Variants in MYT1L observed in about 807,000 individuals in gnomAD.
The protein encoded by MYT1L is myelin transcription factor 1 like.
MYT1L carries 12 observed loss-of-function variants against 126.7 expected under a neutral mutation model. The ratio of observed to expected loss-of-function variants is 0.09; its 90% CI spans 0.06 to 0.15. The LOEUF (loss-of-function observed/expected upper bound fraction) is 0.15. Among genes scored for constraint, MYT1L ranks in the 10% least tolerant of loss-of-function variants. The pLI is 1.00. For synonymous variants in MYT1L, 541 were observed against 604.2 expected (o/e 0.90, Z 1.53); for missense variants, 979 against 1,585.2 (o/e 0.62, Z 6.49).
chr2:1,969,677 G>A (rs1187234667), intron 8 of MYT1L, among the ~76,000 whole-genome samples: 1 of 152,206 alleles, frequency 6.6e-6, no homozygotes, highest in East Asian at 1.9e-4. Context: ...GTGGGACCCT[G>A]GTTGTTGGTA....
At chr2:1,825,683 T>A (rs1346537681) in intron 21 of MYT1L, 1 of 152,198 alleles carries the variant, frequency 6.6e-6, no homozygotes, top group East Asian at 1.9e-4. Context: ...ACTGTTAATT[T>A]TTTGTTTGTA....
chr2:2,240,757 G>A (rs1216580426), intron 2 of MYT1L, among the ~76,000 whole-genome samples: 1 of 152,136 alleles, frequency 6.6e-6, no homozygotes, highest in East Asian at 1.9e-4. Flanking sequence ...GGTAAAACAC[G>A]GTGTCACTCT....
At chr2:1,982,251 C>G (rs1360519784) in intron 5 of MYT1L, among the ~76,000 whole-genome samples, 1 of 152,164 alleles carries the variant, frequency 6.6e-6, no homozygotes. Flanking sequence ...CCGGGGTCCC[C>G]TGCCCTTGTC....
chr2:2,136,546 G>A (rs566838992), intron 3 of MYT1L, among the ~76,000 whole-genome samples: 2 of 152,224 alleles, frequency 1.3e-5, no homozygotes, highest in East Asian at 1.9e-4. Flanking sequence ...TCATGGACAC[G>A]TCCCAGCCTG....
chr2:1,930,924 A>G (rs1573680840), intron 9 of MYT1L, among the ~76,000 whole-genome samples: 1 of 152,192 alleles, frequency 6.6e-6, no homozygotes, highest in South Asian at 2.1e-4. Context: ...AAGCAGAAAT[A>G]CTACATCTTA....
intron 1 of MYT1L, among the ~76,000 whole-genome samples, chr2:2,297,218 T>C (rs943116219): frequency 2.0e-5 from 3 of 152,234 alleles, no homozygotes; most frequent in African/African-American, 7.2e-5. Flanking sequence ...CCAAGGCTTC[T>C]CAGTGAAGTC....
intron 2 of MYT1L, among the ~76,000 whole-genome samples, chr2:2,190,556 A>T (rs1225786934): frequency 1.6e-5 from 1 of 61,046 alleles, no homozygotes; most frequent in Admixed American, 1.3e-4. Flanking sequence ...AAGACCTGTT[A>T]AAAAAAAAAA....
chr2:1,842,887 C>CGCTTCCAGGCGCTTA (rs1572770801), intron 19 of MYT1L: 1 of 167,988 alleles, frequency 6.0e-6, no homozygotes, highest in East Asian at 1.9e-4. Flanking sequence ...CCAGGCGCTT[C>CGCTTCCAGGCGCTTA]CGCTTCCAGG....
intron 2 of MYT1L, among the ~76,000 whole-genome samples, chr2:2,222,359 G>T (rs2093898582): frequency 6.6e-6 from 1 of 151,994 alleles, no homozygotes; most frequent in Non-Finnish European, 1.5e-5. Context: ...AGGTGTGGTG[G>T]AGGGCACCCG....
Position 2,179,152 on chromosome 2 carries a change from A to G in MYT1L, c.-420-6164T>C, listed in dbSNP as rs542546284. ...CATCCCTGGCCAGCAGCTGTAGGAC[A>G]TGGCCAAGGAAGTGGCTCATCCATC... On this transcript the variant is annotated intron_variant, in intron 2 of 24. Transcript: ENST00000647738. Among the ~76,000 whole-genome samples, 4 of 152,286 alleles carry G rather than the reference A, an allele frequency of 2.6e-5. No individual in the cohort carries two copies. The East Asian group carries it at 5.8e-4, about 22-fold the overall frequency.
At chr2:1,854,069 C>T (rs1403235109) in intron 18 of MYT1L, among the ~76,000 whole-genome samples, 1 of 152,052 alleles carries the variant, frequency 6.6e-6, no homozygotes, top group Non-Finnish European at 1.5e-5. Context: ...TTATTAATAG[C>T]ACTTTCCCAA....
At chr2:2,100,967 CA>C (rs1483112803) in intron 3 of MYT1L, among the ~76,000 whole-genome samples, 1 of 152,028 alleles carries the variant, frequency 6.6e-6, no homozygotes. Flanking sequence ...AAACAATATT[CA>C]GAATTTACTC....
At chr2:2,267,610 G>A (rs1572984662) in intron 2 of MYT1L, among the ~76,000 whole-genome samples, 1 of 152,162 alleles carries the variant, frequency 6.6e-6, no homozygotes, top group Admixed American at 6.5e-5. Flanking sequence ...AGGGAAGGCC[G>A]AGGTTGCCCT....
chr2:1,903,164 T>C lies in MYT1L; in HGVS notation c.1948A>G (p.Ser650Gly). 1 of 1,614,022 alleles carries C rather than the reference T, an allele frequency of 6.2e-7. No individual in the cohort carries two copies. The highest frequency in any genetic ancestry group is 8.5e-7 in the Non-Finnish European group (1 of 1,179,900). Residue 650 changes from serine to glycine, a missense_variant, in exon 14 of 25, where the codon AGT (serine) becomes GGT (glycine). Physicochemically the swap from Ser to Gly is moderately conservative, Grantham distance 56. Around this residue, in one of 12 missense-constraint regions of MYT1L, gnomAD observed 82 missense variants for 177.2 expected, o/e 0.46. Coordinates refer to ENST00000647738, the MANE Select transcript of MYT1L (RefSeq NM_001303052.2). ...TTGCCATAAGTATGGTTGTCGTAAC[T>C]GTTGTATTCAAACGAGGTCTTGGAA... ...KYSKTSFEYN[S>G]YDNHTYGKRA...
chr2:1,940,364 C>T lies in MYT1L; in HGVS notation c.505+2618G>A, dbSNP rs149154181. ...TGGTAGCAGGTAGGTTATCTCACAA[C>T]ATCTCACTGTGGCTGCACCCTGCCA... On this transcript the variant is annotated intron_variant, in intron 9 of 24. Coordinates refer to ENST00000647738, the MANE Select transcript of MYT1L (RefSeq NM_001303052.2). Among the ~76,000 whole-genome samples, 215 of 149,110 alleles carry T rather than the reference C, an allele frequency of 1.4e-3. 4 individuals are homozygous for T. The highest frequency in any genetic ancestry group is 5.0e-3 in the African/African-American group (202 of 40,094).
At chr2:2,249,148 C>T (rs113110642) in intron 2 of MYT1L, among the ~76,000 whole-genome samples, 4,031 of 151,900 alleles carry the variant, frequency 0.027, 164 homozygotes, top group African/African-American at 0.092. Context: ...ATGATTAGAA[C>T]TAATAAATTT....
intron 9 of MYT1L, among the ~76,000 whole-genome samples, chr2:1,927,527 T>G (rs1469547099): frequency 6.6e-6 from 1 of 152,206 alleles, no homozygotes; most frequent in Non-Finnish European, 1.5e-5. Flanking sequence ...CAGGCTTGGC[T>G]TCTTAGTGTC....
chr2:2,254,406 C>T (rs1481871927), intron 2 of MYT1L, among the ~76,000 whole-genome samples: 2 of 152,142 alleles, frequency 1.3e-5, no homozygotes, highest in Non-Finnish European at 2.9e-5. Flanking sequence ...GGGGGCTGGG[C>T]TGCACCTCAG....
rs2040649408 is a variant in MYT1L, at chr2:1,834,886, GGGGATGGATACAGGTACTTCTCC to G, written c.3080+4240_3080+4262del. Among the ~76,000 whole-genome samples the G allele has an allele frequency of 5.5e-4, 79 of 143,392 alleles. 7 individuals are homozygous for G. The highest frequency in any genetic ancestry group is 1.3e-3 in the African/African-American group (46 of 36,166). The allele number at this position is 143,392 out of a possible 152,430, so 94.1% of individuals were successfully genotyped here. A position where few individuals can be genotyped will look rare whatever the true frequency, so the allele number is the denominator to read the frequency against. ...ATACAGGTACTCCTCCACATACCAT[GGGGATGGATACAGGTACTTCTCC>G]ACATACCACGGGGATGGATACAGGT... is the stretch of plus-strand genomic sequence containing the variant. On this transcript the variant is annotated intron_variant, in intron 21 of 24. Transcript: ENST00000647738.
Sources: allele counts gnomAD v4.1 joint callset (sites outside exome capture counted in the v4.1 genomes callset), GRCh38; gene constraint gnomAD v4.1.1; regional missense constraint gnomAD v4.1.1; transcripts MANE v1.5; gene names NCBI Gene and HGNC (gene_info 2026-07-23, HGNC 2026-07-21).